PTPRR: variants seen among roughly 807,000 people sequenced by gnomAD.
PTPRR encodes the protein protein tyrosine phosphatase receptor type R, also known as receptor-type tyrosine-protein phosphatase R.
PTPRR carries 38 observed loss-of-function variants against 77.2 expected under a neutral mutation model. That is an observed-to-expected ratio of 0.49 (90% confidence interval 0.38 to 0.65). PTPRR has a LOEUF of 0.65. PTPRR is among the 30% of genes least tolerant of loss of function. The pLI is 0.00. For synonymous variants in PTPRR, 299 were observed against 283.1 expected (o/e 1.06, Z -0.57); for missense variants, 744 against 799.2 (o/e 0.93, Z 0.83).
chr12:70,916,639 T>C (rs1893779670), intron 1 of PTPRR, among the ~76,000 whole-genome samples: 1 of 149,310 alleles, frequency 6.7e-6, no homozygotes, highest in South Asian at 2.1e-4. Context: ...AAAAACAAAT[T>C]CTGGAGTTCT....
At chr12:70,712,452 C>G (rs886347054) in intron 6 of PTPRR, among the ~76,000 whole-genome samples, 2 of 150,672 alleles carry the variant, frequency 1.3e-5, no homozygotes, top group African/African-American at 4.9e-5. Flanking sequence ...TTTTCTGGGT[C>G]CTTCCTCATC....
intron 2 of PTPRR, among the ~76,000 whole-genome samples, chr12:70,770,044 A>G (rs1890932077): frequency 6.6e-6 from 1 of 151,936 alleles, no homozygotes; most frequent in Non-Finnish European, 1.5e-5. Context: ...TAGACCTAAA[A>G]CCATAAAAAC....
chr12:70,808,114 T>G (rs1891743562), intron 2 of PTPRR, among the ~76,000 whole-genome samples: 1 of 151,916 alleles, frequency 6.6e-6, no homozygotes, highest in African/African-American at 2.4e-5. Flanking sequence ...ACCCTGGGAG[T>G]GTCTGCTTTT....
intron 2 of PTPRR, among the ~76,000 whole-genome samples, chr12:70,866,518 T>G (rs1262414011): frequency 3.3e-5 from 5 of 152,188 alleles, no homozygotes; most frequent in African/African-American, 1.2e-4. Context: ...AATAACAGGC[T>G]CTGAAATTGT....
intron 2 of PTPRR, among the ~76,000 whole-genome samples, chr12:70,838,338 G>A (rs145995943): frequency 2.0e-5 from 3 of 152,160 alleles, no homozygotes; most frequent in Non-Finnish European, 4.4e-5. Context: ...AATCCAATTT[G>A]CTTAAGTAGG....
intron 8 of PTPRR, among the ~76,000 whole-genome samples, chr12:70,686,019 G>A (rs1325896569): frequency 6.6e-6 from 1 of 152,180 alleles, no homozygotes; most frequent in Non-Finnish European, 1.5e-5. Context: ...TATGTAAGCT[G>A]ACGATTAAAA....
chr12:70,795,940 T>TTG (rs1565699963), intron 2 of PTPRR, among the ~76,000 whole-genome samples: 3 of 133,442 alleles, frequency 2.2e-5, no homozygotes, highest in African/African-American at 8.5e-5. Context: ...TTTTTTTTTT[T>TTG]TGACACAGAG....
intron 9 of PTPRR, among the ~76,000 whole-genome samples, chr12:70,684,479 G>A (rs1210472811): frequency 2.0e-5 from 3 of 152,126 alleles, no homozygotes; most frequent in African/African-American, 7.2e-5. Context: ...GTCCCCAGCA[G>A]AGTACCCATA....
intron 2 of PTPRR, among the ~76,000 whole-genome samples, chr12:70,890,942 G>T (rs1458264285): frequency 6.6e-6 from 1 of 151,908 alleles, no homozygotes; most frequent in African/African-American, 2.4e-5. Context: ...AAACATTATT[G>T]ATTTATTTAA....
chr12:70,717,939 C>T (rs1315725797), intron 6 of PTPRR, among the ~76,000 whole-genome samples: 1 of 152,050 alleles, frequency 6.6e-6, no homozygotes, highest in Non-Finnish European at 1.5e-5. Flanking sequence ...TCATATAAAA[C>T]CTGATAATTG....
At chr12:70,727,593 A>C (rs759806231) in intron 6 of PTPRR, among the ~76,000 whole-genome samples, 1 of 152,280 alleles carries the variant, frequency 6.6e-6, no homozygotes, top group Admixed American at 6.5e-5. Flanking sequence ...AAAGAATTGA[A>C]AATTTTATAT....
chr12:70,788,799 A>T, intron 2 of PTPRR: 1 of 1,475,762 alleles, frequency 6.8e-7, no homozygotes, highest in Non-Finnish European at 9.1e-7. Context: ...TCTGCCTATC[A>T]TGAGAGATTA....
At chr12:70,762,205 C>T (rs1890707571) in intron 3 of PTPRR, among the ~76,000 whole-genome samples, 1 of 152,076 alleles carries the variant, frequency 6.6e-6, no homozygotes, top group Non-Finnish European at 1.5e-5. Context: ...GTAGTGATGT[C>T]ATGAGACTTT....
At chr12:70,887,765 T>C (rs1302721639) in intron 2 of PTPRR, among the ~76,000 whole-genome samples, 1 of 151,882 alleles carries the variant, frequency 6.6e-6, no homozygotes. Context: ...GGTGGAGTGG[T>C]AGGAGATGGA....
At chr12:70,754,863 C>T in intron 4 of PTPRR, 1 of 794,416 alleles carries the variant, frequency 1.3e-6, no homozygotes, top group South Asian at 2.0e-5. Flanking sequence ...ACTAAAATAT[C>T]ATCTCAAGAA....
intron 6 of PTPRR, among the ~76,000 whole-genome samples, chr12:70,741,798 C>T (rs1890055420): frequency 6.6e-6 from 1 of 152,138 alleles, no homozygotes; most frequent in South Asian, 2.1e-4. Context: ...GGATCCTTCA[C>T]CGCTGAGCCC....
At chr12:70,662,261 C>T (rs921590646) in intron 11 of PTPRR, among the ~76,000 whole-genome samples, 2 of 152,192 alleles carry the variant, frequency 1.3e-5, no homozygotes, top group African/African-American at 4.8e-5. Flanking sequence ...TAGAGGATCA[C>T]AACATCCTAC....
chr12:70,756,891 G>A (rs780356500), intron 4 of PTPRR, among the ~76,000 whole-genome samples: 4 of 152,130 alleles, frequency 2.6e-5, no homozygotes, highest in Non-Finnish European at 4.4e-5. Context: ...TTAAGAGAGA[G>A]GAAGTACACA....
At chr12:70,778,326 T>A (rs1311410799) in intron 2 of PTPRR, among the ~76,000 whole-genome samples, 1 of 151,698 alleles carries the variant, frequency 6.6e-6, no homozygotes, top group Non-Finnish European at 1.5e-5. Flanking sequence ...CCTCATCTCA[T>A]AGAAGTCTTT....
Sources: allele counts gnomAD v4.1 joint callset (sites outside exome capture counted in the v4.1 genomes callset), GRCh38; gene constraint gnomAD v4.1.1; transcripts MANE v1.5; gene names NCBI Gene and HGNC (gene_info 2026-07-23, HGNC 2026-07-21).